The following KIF2C variants were observed in gnomAD, a reference collection of about 807,000 sequenced individuals.
KIF2C encodes kinesin-like protein KIF2C.
A neutral mutation model predicts 97.4 loss-of-function variants in KIF2C; 34 were observed. The observed-to-expected ratio is 0.35, with a 90% confidence interval of 0.27 to 0.46. The LOEUF (loss-of-function observed/expected upper bound fraction) is 0.46, where lower values mean the gene tolerates loss of function less well. Ranked by LOEUF, KIF2C falls within the 20% of genes least tolerant of loss-of-function variation. KIF2C has a pLI of 1.00. For missense variants in KIF2C, 750 were observed against 907.6 expected (o/e 0.83, Z 2.23); for synonymous variants, 313 against 318.2 (o/e 0.98, Z 0.17).
At chr1:44,741,645 A>G (rs1352008019) in intron 2 of KIF2C, among the ~76,000 whole-genome samples, 1 of 152,056 alleles carries the variant, frequency 6.6e-6, no homozygotes, top group Non-Finnish European at 1.5e-5. Context: ...TGATCGAGCC[A>G]CTGCACTCTG....
chr1:44,746,861 AAATTT>A (rs1227883403), intron 2 of KIF2C: 7 of 1,166,834 alleles, frequency 6.0e-6, no homozygotes, highest in Non-Finnish European at 8.4e-6. Context: ...CTGTCTATAG[AAATTT>A]AATTTTTTCT....
intron 2 of KIF2C, among the ~76,000 whole-genome samples, chr1:44,741,485 G>A (rs1648934147): frequency 6.6e-6 from 1 of 151,930 alleles, no homozygotes; most frequent in Non-Finnish European, 1.5e-5. Context: ...AGGAGTTCGA[G>A]ACCAGCCTGG....
At chr1:44,741,960 C>T (rs900906474) in intron 2 of KIF2C, among the ~76,000 whole-genome samples, 3 of 141,888 alleles carry the variant, frequency 2.1e-5, no homozygotes, top group Non-Finnish European at 3.0e-5. Context: ...CACCACTGCT[C>T]TCCAGCCTCC....
At position 44,761,792 on chromosome 1, in the gene KIF2C, C is replaced by T. The variant is rs563154069; in HGVS notation, c.1684-124C>T. 4.3e-5 allele frequency: 37 copies of T among 868,684 alleles called. 1 individual carries two copies. The South Asian group carries it at 4.7e-4, about 11-fold the overall frequency. The allele number at this position is 868,684 out of a possible 1,614,324, so 53.8% of individuals were successfully genotyped here. ...ACAGCGCGGTGCTAAATGACTCCTC[C>T]CACCAATACCATGTGGGTCTCCAAA... On this transcript the variant is annotated intron_variant, in intron 16 of 20. Transcript: ENST00000372224.
intron 1 of KIF2C, 84 bp from the exon 2 acceptor site, chr1:44,740,829 T>C: frequency 2.3e-6 from 1 of 435,160 alleles, no homozygotes; most frequent in Non-Finnish European, 4.3e-6. Flanking sequence ...TCAGGTTAAC[T>C]CCACTTTGGG....
intron 11 of KIF2C, 47 bp downstream of exon 11, chr1:44,757,693 C>T (rs1649916303): frequency 1.5e-6 from 2 of 1,353,316 alleles, no homozygotes; most frequent in Non-Finnish European, 2.1e-6. Context: ...CTTGTGCACC[C>T]CTGGCTCCCT....
rs978919955 is a variant in KIF2C at position 44,740,815 on chromosome 1, T to A, written c.71-98T>A. ...TTTTTTTTTTAAGGTAGCTGCCTGTTCCTTCAGGTTAACTCCACTTTGGGA... is the reference window on the plus strand; with the variant it reads ...TTTTTTTTTTAAGGTAGCTGCCTGTACCTTCAGGTTAACTCCACTTTGGGA... On this transcript the variant is annotated intron_variant, in intron 1 of 20. Coordinates refer to ENST00000372224, the MANE Select transcript of KIF2C (RefSeq NM_006845.4). The A allele has an allele frequency of 1.6e-5, 8 of 496,596 alleles. 1 individual carries two copies. The highest frequency in any genetic ancestry group is 2.2e-5 in the Non-Finnish European group (6 of 274,590). The allele number at this position is 496,596 out of a possible 1,614,324, so 30.8% of individuals were successfully genotyped here. A position where few individuals can be genotyped will look rare whatever the true frequency, so the allele number is the denominator to read the frequency against.
Position 44,759,193 on chromosome 1 carries a change from CT to C in KIF2C, c.1225-12del. On this transcript the variant is annotated splice_polypyrimidine_tract_variant and intron_variant, in intron 13 of 20. Coordinates refer to ENST00000372224, the MANE Select transcript of KIF2C (RefSeq NM_006845.4). ...CCCAGTGGCCTTAGCCTCATTCCCC[CT>C]GCCTGGCACAGCTGTTTGACCTGCT... The C allele has an allele frequency of 6.2e-7, 1 of 1,613,802 alleles. No homozygotes were observed. Among genetic ancestry groups the C allele is most frequent in the Non-Finnish European group, 8.5e-7 (1 of 1,179,894 alleles).
Position 44,746,762 on chromosome 1 carries a change from AAACC to A in KIF2C, c.166-620_166-617del. Reference sequence around the variant, plus strand: ...AGAAACCCATATCCATCTAGATGGTAAACCATTATTAAGGAGTAACTATTTGTTT... The same window carrying A: ...AGAAACCCATATCCATCTAGATGGTAATTATTAAGGAGTAACTATTTGTTT... On this transcript the variant is annotated intron_variant, in intron 2 of 20. Coordinates refer to ENST00000372224, the MANE Select transcript of KIF2C (RefSeq NM_006845.4). 1.9e-6 allele frequency: 3 copies of A among 1,608,552 alleles called. No homozygotes were observed. The South Asian group carries it at 3.3e-5, about 18-fold the overall frequency.
intron 16 of KIF2C, chr1:44,761,096 A>T (rs540966550): frequency 9.3e-6 from 2 of 215,258 alleles, no homozygotes; most frequent in Admixed American, 1.0e-4. Flanking sequence ...CTGGATCATA[A>T]GGCTGTGTCC....
At chr1:44,746,924 GTC>G (rs576688378) in intron 2 of KIF2C, among the ~76,000 whole-genome samples, 17 of 151,928 alleles carry the variant, frequency 1.1e-4, no homozygotes, top group Non-Finnish European at 2.1e-4. Context: ...TTGAGACAGA[GTC>G]TTGCTCTGTT....
At position 44,755,990 on chromosome 1, in the gene KIF2C, C is replaced by T; in HGVS notation, c.814+7C>T. 6.2e-7 allele frequency: 1 copy of T among 1,614,070 alleles called. No individual in the cohort carries two copies. Among genetic ancestry groups the T allele is most frequent in the South Asian group, 1.1e-5 (1 of 91,074 alleles). Reference sequence around the variant, plus strand: ...CGCCCACTGAATAAGCAAGGTAAGTCCTGTTCAGTCAGGAAGAGGCTTCAG... The same window carrying T: ...CGCCCACTGAATAAGCAAGGTAAGTTCTGTTCAGTCAGGAAGAGGCTTCAG... On this transcript the variant is annotated splice_region_variant and intron_variant, in intron 9 of 20. Coordinates refer to ENST00000372224, the MANE Select transcript of KIF2C (RefSeq NM_006845.4).
chr1:44,745,464 CTTTTTTTTTTTTTTTTT>C (rs869293971), intron 2 of KIF2C, among the ~76,000 whole-genome samples: 2 of 38,348 alleles, frequency 5.2e-5, no homozygotes, highest in African/African-American at 2.3e-4. Flanking sequence ...TTGTATATGT[CTTTTTTTTTTTTTTTTT>C]TTTTTTTTTG....
intron 5 of KIF2C, among the ~76,000 whole-genome samples, chr1:44,751,312 C>T (rs2148825500): frequency 6.6e-6 from 1 of 152,158 alleles, no homozygotes; most frequent in East Asian, 1.9e-4. Flanking sequence ...TCTCCCACCT[C>T]AGCCTCCTGG....
intron 4 of KIF2C, 162 bp from the exon 5 acceptor site, chr1:44,750,280 C>T: frequency 1.5e-6 from 1 of 662,146 alleles, no homozygotes; most frequent in Non-Finnish European, 2.2e-6. Context: ...GTTACTGGTA[C>T]TTGGTCTTTC....
chr1:44,762,617 C>T lies in KIF2C; in HGVS notation c.1930C>T (p.Leu644=), dbSNP rs147741348. 1.2e-4 allele frequency: 186 copies of T among 1,614,112 alleles called. No individual in the cohort carries two copies. The African/African-American group carries it at 2.1e-3, about 18-fold the overall frequency. The change falls in exon 19 of 21, where the codon CTG becomes TTG. Residue 644 remains leucine, a synonymous_variant. Transcript: ENST00000372224. ...CGAAGCCATGACTCAGATCAGGGAG[C>T]TGGAGGAGAAGGCTATGGAAGAGCT... The part of the protein sequence containing the change: ...FNEAMTQIRE[L]EEKAMEELKE...
rs777202713 is a variant in KIF2C, at chr1:44,757,970, C to T, written c.1131C>T (p.Ala377=). The change falls in exon 12 of 21, where the codon GCC becomes GCT. Residue 377 remains alanine, a splice_region_variant and synonymous_variant. Transcript: ENST00000372224. ...QNASKGIYAM[A]SRDVFLLKNQ... is the part of the protein sequence containing the mutation. Reference sequence around the variant, plus strand: ...CATCCAAAGGGATCTATGCCATGGCCTGTAAGTACTGTGTACTGCTGCTTC... The same window carrying T: ...CATCCAAAGGGATCTATGCCATGGCTTGTAAGTACTGTGTACTGCTGCTTC... 8 of 1,614,070 alleles carry T rather than the reference C, an allele frequency of 5.0e-6. No homozygotes were observed. Among genetic ancestry groups the T allele is most frequent in the African/African-American group, 1.3e-5 (1 of 74,940 alleles).
chr1:44,760,822 C>T lies in KIF2C; in HGVS notation c.1683+120C>T, dbSNP rs1650103030. 1.3e-6 allele frequency: 1 copy of T among 773,828 alleles called. No individual in the cohort carries two copies. The highest frequency in any genetic ancestry group is 2.6e-5 in the East Asian group (1 of 37,746). The allele number at this position is 773,828 out of a possible 1,614,324, so 47.9% of individuals were successfully genotyped here. ...ACTGCTGGCTGCCTGGGTTTCCAGG[C>T]TGTACCGTGACTGGGCTTCCAGACC... On this transcript the variant is annotated intron_variant, in intron 16 of 20. Coordinates refer to ENST00000372224, the MANE Select transcript of KIF2C (RefSeq NM_006845.4). The surrounding 1 kb of genome is among the most constrained non-coding windows in gnomAD (Gnocchi z 4.2).
intron 1 of KIF2C, 73 bp downstream of exon 1, chr1:44,740,075 A>G (rs767756546): frequency 4.2e-5 from 65 of 1,530,242 alleles, no homozygotes; most frequent in Non-Finnish European, 5.0e-5. Flanking sequence ...CCGTCCCCGG[A>G]CACACAGATG....
Sources: allele counts gnomAD v4.1 joint callset (sites outside exome capture counted in the v4.1 genomes callset), GRCh38; gene constraint gnomAD v4.1.1; non-coding constraint Gnocchi (gnomAD v3.1); transcripts MANE v1.5; gene names NCBI Gene and HGNC (gene_info 2026-07-23, HGNC 2026-07-21).